Variants in TGS1 observed in about 807,000 individuals in gnomAD.
TGS1 encodes the protein trimethylguanosine synthase.
A neutral mutation model predicts 92.2 loss-of-function variants in TGS1; 69 were observed. That is an observed-to-expected ratio of 0.75 (90% CI 0.62 to 0.91). TGS1 has a LOEUF of 0.91. TGS1 is among the 40% of genes least tolerant of loss of function. TGS1 has a pLI of 0.00. For synonymous variants in TGS1, 345 were observed against 338.1 expected (o/e 1.02, Z -0.22); for missense variants, 1,062 against 1,001.2 (o/e 1.06, Z -0.82).
At chr8:55,778,260 C>T (rs1811455863) in intron 1 of TGS1, among the ~76,000 whole-genome samples, 1 of 149,844 alleles carries the variant, frequency 6.7e-6, no homozygotes, top group Non-Finnish European at 1.5e-5. Context: ...GTCTCAGAGT[C>T]TCAGTAGTGG....
rs113731823 is a variant in TGS1 at position 55,806,924 on chromosome 8, AT to A, written c.2143+1899del. 6.4e-3 allele frequency among the ~76,000 whole-genome samples: 937 copies of A among 146,418 alleles called. 6 individuals carry two copies. The highest frequency in any genetic ancestry group is 0.018 in the African/African-American group (735 of 40,036). On this transcript the variant is annotated intron_variant, in intron 10 of 12. Transcript: ENST00000260129. ...TAACCTTTATTTATTTATTTATTTA[AT>A]TTTTTTTTTTCTTTTTTTTTGAGAC... is the stretch of plus-strand genomic sequence containing the variant.
chr8:55,785,068 T>G (rs974109888), intron 2 of TGS1, among the ~76,000 whole-genome samples: 6 of 150,946 alleles, frequency 4.0e-5, no homozygotes, highest in African/African-American at 9.8e-5. Flanking sequence ...GTTTTTTGTT[T>G]TTTGTTTTTT....
chr8:55,805,992 C>G (rs1812357625), intron 10 of TGS1, among the ~76,000 whole-genome samples: 1 of 149,982 alleles, frequency 6.7e-6, no homozygotes, highest in South Asian at 2.1e-4. Context: ...CCAGAAATTG[C>G]AGGCTGCAGT....
At chr8:55,787,940 T>A (rs1035446387) in intron 4 of TGS1, among the ~76,000 whole-genome samples, 1 of 152,174 alleles carries the variant, frequency 6.6e-6, no homozygotes, top group Non-Finnish European at 1.5e-5. Context: ...AATCAGATAT[T>A]GCAGTAACTC....
At position 55,804,929 on chromosome 8, in the gene TGS1, A is replaced by C; in HGVS notation, c.2036A>C (p.Glu679Ala). The C allele has an allele frequency of 6.2e-7, 1 of 1,614,084 alleles. No homozygotes were observed. The highest frequency in any genetic ancestry group is 8.5e-7 in the Non-Finnish European group (1 of 1,179,968). Residue 679 changes from glutamate to alanine, a missense_variant, in exon 10 of 13, where the codon GAA becomes GCA. Glu to Ala is a moderately radical substitution (Grantham distance 107). Transcript: ENST00000260129. The part of the protein sequence containing the change: ...WFSVTPEKIA[E>A]HIAGRVSQSF... Reference sequence around the variant, plus strand: ...TCAGTTACACCCGAGAAGATTGCTGAACACATTGCTGGCCGTGTTAGTCAG... The same window carrying C: ...TCAGTTACACCCGAGAAGATTGCTGCACACATTGCTGGCCGTGTTAGTCAG...
rs1262964273 is a variant in TGS1, at chr8:55,785,787, G to A, written c.235G>A (p.Gly79Ser). The A allele has an allele frequency of 6.2e-7, 1 of 1,613,816 alleles. No individual in the cohort carries two copies. Among genetic ancestry groups the A allele is most frequent in the Admixed American group, 1.7e-5 (1 of 59,968 alleles). Reference sequence around the variant, plus strand: ...TACTGCAGAATCACATGACAGCAAAGGCATAGGCCTGGATGAAAGTGAACT... The same window carrying A: ...TACTGCAGAATCACATGACAGCAAAAGCATAGGCCTGGATGAAAGTGAACT... ...CGTAESHDSK[G>S]IGLDESELDS... Residue 79 changes from glycine (G) to serine (S), a missense_variant, in exon 3 of 13, where the codon GGC (glycine) becomes AGC (serine). Transcript: ENST00000260129.
In TGS1 at chr8:55,811,001, T is replaced by A; in HGVS notation, c.2264T>A (p.Leu755Ter). Residue 755 changes from leucine (L) to a stop codon, truncating the protein, a stop_gained, in exon 11 of 13, where the codon TTA (leucine) becomes TAA (stop). Coordinates refer to ENST00000260129, the MANE Select transcript of TGS1 (RefSeq NM_024831.8). LOFTEE classifies it high-confidence loss of function. ...CGDFLLLASF[L>*]KADVVFLSPP... is the part of the protein sequence containing the mutation. ...GATTTCTTGCTGCTGGCTTCTTTTT[T>A]AAAGGCTGATGTTGTGTTCCTCAGC... 6.2e-7 allele frequency: 1 copy of A among 1,614,224 alleles called. No individual in the cohort carries two copies. Among genetic ancestry groups the A allele is most frequent in the Admixed American group, 1.7e-5 (1 of 60,022 alleles).
At position 55,824,698 on chromosome 8, in the gene TGS1, A is replaced by C; in HGVS notation, c.2557A>C (p.Thr853Pro). 6.2e-7 allele frequency: 1 copy of C among 1,614,164 alleles called. No individual in the cohort carries two copies. The highest frequency in any genetic ancestry group is 8.5e-7 in the Non-Finnish European group (1 of 1,180,014). ...CCTAATTCGAAGACCAGCCTCTGAA[A>C]CCTAACTATGCAGCAGTGCGAGGAC... ...GDLIRRPASE[T>P] The change falls in exon 13 of 13, where the codon ACC becomes CCC. Residue 853 changes from threonine (T) to proline (P), a missense_variant. Coordinates refer to ENST00000260129, the MANE Select transcript of TGS1 (RefSeq NM_024831.8).
chr8:55,814,842 A>AAAG, intron 12 of TGS1, among the ~76,000 whole-genome samples: 1 of 150,920 alleles, frequency 6.6e-6, no homozygotes, highest in South Asian at 2.1e-4. Context: ...TCTAAAAAAA[A>AAAG]AAAGAAAGAA....
chr8:55,825,600 G>C lies in TGS1; in HGVS notation c.*897G>C, dbSNP rs1803773045. ...ATATGAGCGTGTTAAACATTAAACA[G>C]AACATGATACTGGCTGGGATAAGAT... On this transcript the variant is annotated 3_prime_UTR_variant, in exon 13 of 13. Coordinates refer to ENST00000260129, the MANE Select transcript of TGS1 (RefSeq NM_024831.8). Among the ~76,000 whole-genome samples the C allele has an allele frequency of 6.6e-6, 1 of 152,124 alleles. No homozygotes were observed. Among genetic ancestry groups the C allele is most frequent in the Non-Finnish European group, 1.5e-5 (1 of 68,028 alleles).
rs1811839157 is a variant in TGS1, at chr8:55,790,249, T to G, written c.1230T>G (p.Asp410Glu). The part of the protein sequence containing the change: ...DRPHASGTDG[D>E]ESEEDPPEHK... ...CACATGCCAGTGGTACTGATGGAGA[T>G]GAAAGTGAGGAAGACCCACCTGAGC... Residue 410 changes from aspartate to glutamate, a missense_variant, in exon 5 of 13, where the codon GAT (aspartate) becomes GAG (glutamate). Coordinates refer to ENST00000260129, the MANE Select transcript of TGS1 (RefSeq NM_024831.8). 1 of 1,613,978 alleles carries G rather than the reference T, an allele frequency of 6.2e-7. No homozygotes were observed. The highest frequency in any genetic ancestry group is 1.7e-5 in the Admixed American group (1 of 60,012).
chr8:55,787,136 C>T, intron 4 of TGS1, 76 bp downstream of exon 4: 1 of 998,778 alleles, frequency 1.0e-6, no homozygotes, highest in Non-Finnish European at 1.5e-6. Flanking sequence ...ACTACTAATC[C>T]TTTATTGTAG....
chr8:55,785,819 T>C lies in TGS1; in HGVS notation c.267T>C (p.Ser89=), dbSNP rs1563452141. Residue 89 remains serine (S), a synonymous_variant, in exon 3 of 13, where the codon TCT becomes TCC. Transcript: ENST00000260129. ...GCCTGGATGAAAGTGAACTTGATTC[T>C]GAGGCTGAACTCATGAGAAGTATGG... is the stretch of plus-strand genomic sequence containing the variant. The part of the protein sequence containing the change: ...GIGLDESELD[S]EAELMRSMGL... 1.2e-6 allele frequency: 2 copies of C among 1,614,012 alleles called. No homozygotes were observed. Among genetic ancestry groups the C allele is most frequent in the Non-Finnish European group, 8.5e-7 (1 of 1,179,982 alleles).
intron 10 of TGS1, among the ~76,000 whole-genome samples, chr8:55,807,579 G>C (rs1418527590): frequency 6.6e-6 from 1 of 151,376 alleles, no homozygotes; most frequent in Non-Finnish European, 1.5e-5. Context: ...CCAGGCTAAA[G>C]TGTAGTGGCA....
At chr8:55,790,362 A>G (rs1161820975) in intron 5 of TGS1, 63 bp downstream of exon 5, 1 of 1,007,950 alleles carries the variant, frequency 9.9e-7, no homozygotes, top group African/African-American at 1.6e-5. Context: ...TGCATAAGCC[A>G]GTGGTTATTA....
At chr8:55,823,031 G>A (rs1473365542) in intron 12 of TGS1, among the ~76,000 whole-genome samples, 1 of 152,114 alleles carries the variant, frequency 6.6e-6, no homozygotes, top group African/African-American at 2.4e-5. Flanking sequence ...AATACTTTGG[G>A]TGTCCTTTTT....
intron 12 of TGS1, among the ~76,000 whole-genome samples, chr8:55,819,667 C>T (rs533759998): frequency 5.3e-5 from 8 of 151,906 alleles, no homozygotes; most frequent in African/African-American, 1.5e-4. Context: ...GATTTATTTA[C>T]GGAAGCATAG....
In TGS1 at chr8:55,825,417, A is replaced by AT. The variant is rs1016225816; in HGVS notation, c.*721dup. The AT allele has an allele frequency of 6.6e-6, 1 of 152,010 alleles. No homozygotes were observed. The highest frequency in any genetic ancestry group is 1.9e-4 in the East Asian group (1 of 5,198). The allele number at this position is 152,010 out of a possible 1,614,324, so 9.4% of individuals were successfully genotyped here. A position where few individuals can be genotyped will look rare whatever the true frequency, so the allele number is the denominator to read the frequency against. The stretch of plus-strand genomic sequence containing the variant: ...TATATTTTGTAATATAGGAGTTTCT[A>AT]TTTTTTTATTAAAATGGCAATGAAA... On this transcript the variant is annotated 3_prime_UTR_variant, in exon 13 of 13. Transcript: ENST00000260129.
intron 8 of TGS1, among the ~76,000 whole-genome samples, chr8:55,801,032 G>C (rs968264672): frequency 6.6e-6 from 1 of 152,186 alleles, no homozygotes; most frequent in African/African-American, 2.4e-5. Context: ...CTTTTCCGTG[G>C]AATGGAGCTA....
Sources: allele counts gnomAD v4.1 joint callset (sites outside exome capture counted in the v4.1 genomes callset), GRCh38; gene constraint gnomAD v4.1.1; transcripts MANE v1.5; gene names NCBI Gene and HGNC (gene_info 2026-07-23, HGNC 2026-07-21).